The following MCTP1 variants were observed in gnomAD, a reference collection of about 807,000 sequenced individuals.
The protein encoded by MCTP1 is multiple C2 and transmembrane domain-containing protein 1.
MCTP1 carries 69 observed loss-of-function variants against 120.6 expected under a neutral mutation model. That is an observed-to-expected ratio of 0.57 (90% CI 0.47 to 0.70). The LOEUF (loss-of-function observed/expected upper bound fraction) is 0.70. Ranked by LOEUF, MCTP1 falls within the 30% of genes least tolerant of loss-of-function variation. MCTP1 has a pLI of 0.00. For missense variants in MCTP1, 1,203 were observed against 1,248.8 expected (o/e 0.96, Z 0.55); for synonymous variants, 529 against 493.1 (o/e 1.07, Z -0.96).
chr5:95,124,553 T>C (rs1758480768), intron 1 of MCTP1, among the ~76,000 whole-genome samples: 1 of 152,240 alleles, frequency 6.6e-6, no homozygotes, highest in South Asian at 2.1e-4. Flanking sequence ...CAGAACTCCA[T>C]GCTGATCTGT....
At chr5:94,937,849 C>T (rs1816587131) in intron 5 of MCTP1, among the ~76,000 whole-genome samples, 2 of 151,982 alleles carry the variant, frequency 1.3e-5, no homozygotes, top group South Asian at 4.1e-4. Context: ...ACAATCGCTG[C>T]TATATCATCC....
chr5:94,991,776 C>A (rs1383522163), intron 2 of MCTP1, among the ~76,000 whole-genome samples: 1 of 151,860 alleles, frequency 6.6e-6, no homozygotes, highest in African/African-American at 2.4e-5. Context: ...ACTAGGGAAG[C>A]TGAGGCAGGA....
chr5:94,865,485 T>C (rs746123446), intron 17 of MCTP1, among the ~76,000 whole-genome samples: 18 of 151,706 alleles, frequency 1.2e-4, no homozygotes, highest in Non-Finnish European at 2.5e-4. Context: ...AGAACCGATA[T>C]TATGATAATA....
At chr5:95,109,473 G>A (rs1757308586) in intron 1 of MCTP1, among the ~76,000 whole-genome samples, 1 of 151,882 alleles carries the variant, frequency 6.6e-6, no homozygotes, top group African/African-American at 2.4e-5. Context: ...CATCCTTCAG[G>A]CTACTCCTTA....
rs767900008 is a variant in MCTP1, at chr5:94,799,001, G to A, written c.2556+12C>T. The stretch of plus-strand genomic sequence containing the variant: ...AACAAAAACACATACAAGTAAGAGA[G>A]TAGAGACTTACTGTATCACGTTGCC... On this transcript the variant is annotated intron_variant, in intron 18 of 22. Coordinates refer to ENST00000515393, the MANE Select transcript of MCTP1 (RefSeq NM_024717.7). The A allele has an allele frequency of 3.1e-6, 5 of 1,607,976 alleles. No individual in the cohort carries two copies. The highest frequency in any genetic ancestry group is 4.2e-6 in the Non-Finnish European group (5 of 1,177,118).
At chr5:94,713,347 A>G (rs1757796454) in intron 20 of MCTP1, among the ~76,000 whole-genome samples, 1 of 152,120 alleles carries the variant, frequency 6.6e-6, no homozygotes, top group Non-Finnish European at 1.5e-5. Flanking sequence ...AGGCTGAACC[A>G]CTGCCAAGAT....
At chr5:94,744,991 A>G (rs1398686670) in intron 19 of MCTP1, among the ~76,000 whole-genome samples, 1 of 152,222 alleles carries the variant, frequency 6.6e-6, no homozygotes, top group Admixed American at 6.5e-5. Context: ...ATTTCTTGTC[A>G]GATAACCATT....
At chr5:95,215,084 C>G (rs1195143904) in intron 1 of MCTP1, among the ~76,000 whole-genome samples, 1 of 152,124 alleles carries the variant, frequency 6.6e-6, no homozygotes, top group Non-Finnish European at 1.5e-5. Context: ...TGCCCATAAC[C>G]ATAATCACAC....
At chr5:95,083,568 G>A (rs903303099) in intron 1 of MCTP1, among the ~76,000 whole-genome samples, 1 of 152,204 alleles carries the variant, frequency 6.6e-6, no homozygotes, top group Non-Finnish European at 1.5e-5. Flanking sequence ...AAGAGGTTAA[G>A]TTTGTAGAAT....
chr5:94,947,491 C>A (rs890969851), intron 3 of MCTP1, among the ~76,000 whole-genome samples: 1 of 146,986 alleles, frequency 6.8e-6, no homozygotes, highest in Non-Finnish European at 1.5e-5. Flanking sequence ...CTATTTCCCA[C>A]AGAATATATG....
chr5:95,225,838 T>G lies in MCTP1; in HGVS notation c.720+58018A>C, dbSNP rs534975956. The stretch of plus-strand genomic sequence containing the variant: ...TCTCCCTTCCTCCCTCCCTTTTGTT[T>G]GACTTTAGAAGATATTTTAATGTAA... On this transcript the variant is annotated intron_variant, in intron 1 of 22. Coordinates refer to ENST00000515393, the MANE Select transcript of MCTP1 (RefSeq NM_024717.7). Among the ~76,000 whole-genome samples, 133 of 152,216 alleles carry G rather than the reference T, an allele frequency of 8.7e-4. 1 individual carries two copies. Among genetic ancestry groups the G allele is most frequent in the African/African-American group, 3.1e-3 (129 of 41,526 alleles).
intron 4 of MCTP1, among the ~76,000 whole-genome samples, chr5:94,941,305 G>C (rs1248749931): frequency 6.6e-6 from 1 of 151,940 alleles, no homozygotes; most frequent in South Asian, 2.1e-4. Context: ...TTCCTACAGC[G>C]GCAGGGAGGT....
intron 1 of MCTP1, among the ~76,000 whole-genome samples, chr5:95,103,114 T>C (rs140442817): frequency 6.6e-6 from 1 of 151,636 alleles, no homozygotes; most frequent in East Asian, 1.9e-4. Flanking sequence ...ATTGTTTTAT[T>C]AATATTTATT....
intron 18 of MCTP1, among the ~76,000 whole-genome samples, chr5:94,796,650 T>A (rs11278820): frequency 0.078 from 1,272 of 16,262 alleles, 2 homozygotes; most frequent in Middle Eastern, 0.18. Flanking sequence ...TAATATATAT[T>A]ATATATATTA....
chr5:94,855,385 A>G (rs2153228135), intron 17 of MCTP1, among the ~76,000 whole-genome samples: 1 of 151,910 alleles, frequency 6.6e-6, no homozygotes, highest in South Asian at 2.1e-4. Flanking sequence ...TCCTGTGACA[A>G]TGAACCTGTT....
At chr5:94,769,436 T>C (rs2152893213) in intron 19 of MCTP1, among the ~76,000 whole-genome samples, 1 of 152,270 alleles carries the variant, frequency 6.6e-6, no homozygotes, top group East Asian at 1.9e-4. Context: ...CCTGATTTGA[T>C]CATACATTAA....
intron 1 of MCTP1, among the ~76,000 whole-genome samples, chr5:95,117,390 C>CAAA (rs34952779): frequency 1.6e-3 from 103 of 66,106 alleles, no homozygotes; most frequent in Non-Finnish European, 1.9e-3. Flanking sequence ...GACTCCGTCT[C>CAAA]AAAAAAAAAA....
Position 94,754,460 on chromosome 5 carries a change from C to A in MCTP1, c.2610+24650G>T, listed in dbSNP as rs114464072. On this transcript the variant is annotated intron_variant, in intron 19 of 22. Coordinates refer to ENST00000515393, the MANE Select transcript of MCTP1 (RefSeq NM_024717.7). ...CACGTTATTTTTAAAAGTCAGAATG[C>A]TAAGCAATATTAGTGAGAGTGGCAG... 9.9e-3 allele frequency among the ~76,000 whole-genome samples: 1,503 copies of A among 152,286 alleles called. 26 individuals carry two copies. Among genetic ancestry groups the A allele is most frequent in the African/African-American group, 0.034 (1,419 of 41,552 alleles).
chr5:95,095,124 C>T (rs1050915156), intron 1 of MCTP1, among the ~76,000 whole-genome samples: 1 of 142,478 alleles, frequency 7.0e-6, no homozygotes. Context: ...CCCGGGTTCA[C>T]GCCATTCTCC....
Sources: gnomAD v4.1 joint callset for allele counts (sites outside exome capture counted in the v4.1 genomes callset) on GRCh38, gnomAD v4.1.1 for gene constraint, MANE v1.5 for transcripts, NCBI Gene and HGNC (gene_info 2026-07-23, HGNC 2026-07-21) for gene names.